The following SMAD2 variants were observed in gnomAD, a reference collection of about 807,000 sequenced individuals.
SMAD2 encodes the protein MAD homolog 2.
A neutral mutation model predicts 64.4 loss-of-function variants in SMAD2; 8 were observed. The observed-to-expected ratio is 0.12, with a 90% CI of 0.07 to 0.22. The LOEUF (loss-of-function observed/expected upper bound fraction) is 0.22. Among genes scored for constraint, SMAD2 ranks in the 10% least tolerant of loss-of-function variants. SMAD2 has a pLI of 1.00. For missense variants in SMAD2, 289 were observed against 561.2 expected, an observed-to-expected ratio of 0.51 and a Z score of 4.90; for synonymous variants, 203 against 195.8, an observed-to-expected ratio of 1.04 and a Z score of -0.31.
rs1300177816 is a variant in SMAD2 at position 47,817,900 on chromosome 18, G to A, written c.*23927C>T. 6.6e-6 allele frequency: 1 copy of A among 152,184 alleles called. No individual in the cohort carries two copies. 9.4% of individuals were successfully genotyped at this position (152,184 alleles called of 1,614,324 possible). On this transcript the variant is annotated 3_prime_UTR_variant, in exon 11 of 11. Coordinates refer to ENST00000262160, the MANE Select transcript of SMAD2 (RefSeq NM_005901.6). ...TCCAAACACCTGACTTATCTGTCAG[G>A]ATTTACAGAATTTTCTTTGCTCTTA...
rs568920066 is a variant in SMAD2, at chr18:47,883,805, T to G, written c.236+12716A>C. Among the ~76,000 whole-genome samples the G allele has an allele frequency of 3.3e-5, 5 of 152,316 alleles. No individual in the cohort carries two copies. In the South Asian group the frequency reaches 1.0e-3, roughly 32 times the overall value. ...CTTTCATGAGTTTGACCATGATATA[T>G]CTAAGTGTGGTTTTCTTTTTATTTA... On this transcript the variant is annotated intron_variant, in intron 2 of 10. Coordinates refer to ENST00000262160, the MANE Select transcript of SMAD2 (RefSeq NM_005901.6).
At chr18:47,846,735 A>G (rs980718098) in intron 8 of SMAD2, among the ~76,000 whole-genome samples, 3 of 152,146 alleles carry the variant, frequency 2.0e-5, no homozygotes, top group Admixed American at 6.6e-5. Context: ...TAAGAACACA[A>G]GCCAGCTGAT....
intron 8 of SMAD2, among the ~76,000 whole-genome samples, chr18:47,847,650 T>C (rs1035328714): frequency 8.1e-6 from 1 of 123,044 alleles, no homozygotes; most frequent in African/African-American, 3.3e-5. Flanking sequence ...AAAAATAGAG[T>C]GGCAACATTT....
At position 47,820,896 on chromosome 18, in the gene SMAD2, T is replaced by TACACACACACACACACACAC. The variant is rs57448043; in HGVS notation, c.*20911_*20930dup. The TACACACACACACACACACAC allele has an allele frequency of 3.4e-5, 5 of 148,332 alleles. No homozygotes were observed. The highest frequency in any genetic ancestry group is 1.0e-4 in the African/African-American group (4 of 39,536). The allele number at this position is 148,332 out of a possible 1,614,324, so 9.2% of individuals were successfully genotyped here. A position where few individuals can be genotyped will look rare whatever the true frequency, so the allele number is the denominator to read the frequency against. On this transcript the variant is annotated 3_prime_UTR_variant, in exon 11 of 11. Transcript: ENST00000262160. ...TAGTGTAAATGCTATACATGCACTA[T>TACACACACACACACACACAC]ACACACACACACACACACACACACA...
chr18:47,856,698 G>A (rs1183644403), intron 6 of SMAD2, among the ~76,000 whole-genome samples: 1 of 152,132 alleles, frequency 6.6e-6, no homozygotes, highest in South Asian at 2.1e-4. Flanking sequence ...ACATCCTACT[G>A]AATTTCTCTG....
intron 7 of SMAD2, among the ~76,000 whole-genome samples, chr18:47,850,837 G>A (rs192056658): frequency 1.8e-4 from 1 of 5,546 alleles, no homozygotes; most frequent in Non-Finnish European, 3.0e-4. Flanking sequence ...TATATATTAT[G>A]TATATTATAT....
rs1378450370 is a variant in SMAD2, at chr18:47,818,931, T to G, written c.*22896A>C. The G allele has an allele frequency of 6.6e-6, 1 of 152,246 alleles. No individual in the cohort carries two copies. Among genetic ancestry groups the G allele is most frequent in the Admixed American group, 6.5e-5 (1 of 15,292 alleles). 9.4% of individuals were successfully genotyped at this position (152,246 alleles called of 1,614,324 possible). ...TTATAAACCAGCAAGCCTGTATTAC[T>G]ATCGTATGACTAAAATTCTAAAATG... On this transcript the variant is annotated 3_prime_UTR_variant, in exon 11 of 11. Transcript: ENST00000262160.
intron 6 of SMAD2, among the ~76,000 whole-genome samples, chr18:47,858,161 A>G (rs887602866): frequency 6.6e-6 from 1 of 152,238 alleles, no homozygotes; most frequent in Non-Finnish European, 1.5e-5. Context: ...GGAGGGGGAA[A>G]AAAATGACCC....
chr18:47,833,554 T>G lies in SMAD2; in HGVS notation c.*8273A>C, dbSNP rs1913119972. The G allele has an allele frequency of 4.3e-6, 1 of 230,522 alleles. No individual in the cohort carries two copies. 14.3% of individuals were successfully genotyped at this position (230,522 alleles called of 1,614,324 possible). ...ACAAGAACAGGGTCTGCATCCATCA[T>G]ATTGCATTACAAAGTTAATGCCATC... On this transcript the variant is annotated 3_prime_UTR_variant, in exon 11 of 11. Transcript: ENST00000262160.
chr18:47,823,569 G>A lies in SMAD2; in HGVS notation c.*18258C>T, dbSNP rs1302737335. 6.6e-6 allele frequency: 1 copy of A among 152,122 alleles called. No homozygotes were observed. Among genetic ancestry groups the A allele is most frequent in the East Asian group, 1.9e-4 (1 of 5,190 alleles). 9.4% of individuals were successfully genotyped at this position (152,122 alleles called of 1,614,324 possible). On this transcript the variant is annotated 3_prime_UTR_variant, in exon 11 of 11. Coordinates refer to ENST00000262160, the MANE Select transcript of SMAD2 (RefSeq NM_005901.6). The stretch of plus-strand genomic sequence containing the variant: ...GCTAAGATGTGATTAATTTTTAAAG[G>A]AGCAAGTCTCATGCTGATGTATGGG...
At chr18:47,918,605 G>A (rs972917192) in intron 1 of SMAD2, among the ~76,000 whole-genome samples, 7 of 152,110 alleles carry the variant, frequency 4.6e-5, no homozygotes, top group African/African-American at 1.7e-4. Context: ...TCAGCTTCAG[G>A]AAAAGACTAT....
chr18:47,889,532 G>A (rs1027043903), intron 2 of SMAD2, among the ~76,000 whole-genome samples: 2 of 152,146 alleles, frequency 1.3e-5, no homozygotes, highest in African/African-American at 4.8e-5. Context: ...AGCACTTTGG[G>A]AGGCCGAGGT....
At chr18:47,883,511 T>C (rs1193181914) in intron 2 of SMAD2, among the ~76,000 whole-genome samples, 1 of 152,238 alleles carries the variant, frequency 6.6e-6, no homozygotes, top group Non-Finnish European at 1.5e-5. Flanking sequence ...ATAATGTAAC[T>C]TAATAATGTA....
intron 1 of SMAD2, among the ~76,000 whole-genome samples, chr18:47,911,292 A>C (rs1412016876): frequency 1.3e-5 from 2 of 151,868 alleles, no homozygotes; most frequent in Non-Finnish European, 2.9e-5. Flanking sequence ...CAGAGGTTGC[A>C]GTGAGCCAAA....
chr18:47,902,617 C>G (rs1160493551), intron 1 of SMAD2, among the ~76,000 whole-genome samples: 2 of 152,120 alleles, frequency 1.3e-5, no homozygotes, highest in Non-Finnish European at 2.9e-5. Context: ...TATTATCAGA[C>G]TATATACTTA....
chr18:47,862,149 A>C (rs968837906), intron 6 of SMAD2, among the ~76,000 whole-genome samples: 2 of 152,222 alleles, frequency 1.3e-5, no homozygotes, highest in African/African-American at 4.8e-5. Context: ...CTATTTATTT[A>C]ATCTCATCCT....
intron 5 of SMAD2, chr18:47,866,709 A>C (rs1327608184): frequency 6.6e-6 from 1 of 152,168 alleles, no homozygotes. Context: ...TTTTGAGAAA[A>C]TGTTAAAATT....
intron 2 of SMAD2, among the ~76,000 whole-genome samples, chr18:47,879,002 G>T (rs1410796556): frequency 1.3e-5 from 2 of 152,156 alleles, no homozygotes; most frequent in African/African-American, 4.8e-5. Flanking sequence ...TGGGTGTGCT[G>T]GTGCACACCT....
intron 5 of SMAD2, chr18:47,866,840 T>C (rs1195796092): frequency 6.6e-6 from 1 of 152,120 alleles, no homozygotes; most frequent in Non-Finnish European, 1.5e-5. Context: ...CTTTATAAAA[T>C]ACTCAAATCT....
Sources: allele counts gnomAD v4.1 joint callset (sites outside exome capture counted in the v4.1 genomes callset), GRCh38; gene constraint gnomAD v4.1.1; transcripts MANE v1.5; gene names NCBI Gene and HGNC (gene_info 2026-07-23, HGNC 2026-07-21).